Variants in KCNK2 observed in about 807,000 individuals in gnomAD.
KCNK2 encodes potassium channel subfamily K member 2.
KCNK2 carries 21 observed loss-of-function variants against 40.5 expected under a neutral mutation model. The ratio of observed to expected loss-of-function variants is 0.52; its 90% CI spans 0.37 to 0.75. The LOEUF (loss-of-function observed/expected upper bound fraction) is 0.75. Ranked by LOEUF, KCNK2 falls within the 30% of genes least tolerant of loss-of-function variation. KCNK2 has a pLI of 0.00. For synonymous variants in KCNK2, 191 were observed against 202.2 expected (o/e 0.94, Z 0.47); for missense variants, 399 against 531.6 (o/e 0.75, Z 2.45).
intron 1 of KCNK2, among the ~76,000 whole-genome samples, chr1:215,054,266 G>C (rs192987382): frequency 2.0e-5 from 3 of 152,262 alleles, no homozygotes; most frequent in African/African-American, 7.2e-5. Flanking sequence ...CTGTCAAAGG[G>C]AGTTTTGAGT....
chr1:215,157,647 T>G (rs886936904), intron 3 of KCNK2, among the ~76,000 whole-genome samples: 1 of 152,212 alleles, frequency 6.6e-6, no homozygotes, highest in East Asian at 1.9e-4. Flanking sequence ...TTTTTCTTCT[T>G]GCTGTGATAG....
At chr1:215,232,644 T>C (rs758918510) in intron 6 of KCNK2, among the ~76,000 whole-genome samples, 14 of 152,134 alleles carry the variant, frequency 9.2e-5, no homozygotes, top group African/African-American at 1.4e-4. Flanking sequence ...AGTATATAGG[T>C]GAACATTTGA....
At chr1:215,105,637 T>C (rs1282796498) in intron 2 of KCNK2, among the ~76,000 whole-genome samples, 1 of 152,090 alleles carries the variant, frequency 6.6e-6, no homozygotes, top group Non-Finnish European at 1.5e-5. Flanking sequence ...TGCAGATTTG[T>C]TACAAGGGTA....
chr1:215,027,673 A>G (rs566634368), intron 1 of KCNK2, among the ~76,000 whole-genome samples: 1 of 152,266 alleles, frequency 6.6e-6, no homozygotes, highest in East Asian at 1.9e-4. Flanking sequence ...CGTGTGATTG[A>G]TCTATTTCAA....
intron 1 of KCNK2, among the ~76,000 whole-genome samples, chr1:215,044,473 T>G (rs1657673528): frequency 6.6e-6 from 1 of 151,306 alleles, no homozygotes; most frequent in Non-Finnish European, 1.5e-5. Flanking sequence ...GATTTGCATG[T>G]TAGTTCTCTG....
chr1:215,030,018 C>T (rs1571857846), intron 1 of KCNK2, among the ~76,000 whole-genome samples: 4 of 152,194 alleles, frequency 2.6e-5, no homozygotes, highest in Admixed American at 2.0e-4. Flanking sequence ...TGTACTGTTT[C>T]TCACACCAGA....
chr1:215,055,704 C>A (rs1658134438), intron 1 of KCNK2, among the ~76,000 whole-genome samples: 1 of 152,204 alleles, frequency 6.6e-6, no homozygotes, highest in Admixed American at 6.5e-5. Context: ...AAACGCTTTG[C>A]TTCCTGGTTG....
chr1:215,016,088 A>C (rs1382334079), intron 1 of KCNK2, among the ~76,000 whole-genome samples: 1 of 152,188 alleles, frequency 6.6e-6, no homozygotes, highest in Admixed American at 6.5e-5. Context: ...AAGCCACATG[A>C]CTGAAAGTCA....
chr1:215,088,818 C>T (rs1159007584), intron 2 of KCNK2, among the ~76,000 whole-genome samples: 1 of 152,184 alleles, frequency 6.6e-6, no homozygotes, highest in Non-Finnish European at 1.5e-5. Flanking sequence ...TTATGCTCTG[C>T]ATTGGCAATC....
intron 1 of KCNK2, among the ~76,000 whole-genome samples, chr1:215,051,042 A>G (rs1196974617): frequency 6.6e-6 from 1 of 152,150 alleles, no homozygotes; most frequent in Non-Finnish European, 1.5e-5. Flanking sequence ...AAGCAATTCT[A>G]TGGTTGCCTT....
At chr1:215,162,169 G>C (rs1663229684) in intron 3 of KCNK2, among the ~76,000 whole-genome samples, 2 of 152,260 alleles carry the variant, frequency 1.3e-5, no homozygotes, top group South Asian at 4.1e-4. Context: ...TTTCTCTAAT[G>C]AACAGTGATG....
At chr1:215,120,026 G>A (rs886451326) in intron 2 of KCNK2, among the ~76,000 whole-genome samples, 3 of 152,108 alleles carry the variant, frequency 2.0e-5, no homozygotes, top group Non-Finnish European at 1.5e-5. Context: ...CTAGAGAAAA[G>A]ACCTCATGGT....
intron 5 of KCNK2, among the ~76,000 whole-genome samples, chr1:215,188,491 A>G (rs561298601): frequency 6.6e-6 from 1 of 152,290 alleles, no homozygotes; most frequent in Non-Finnish European, 1.5e-5. Context: ...TTTCCTGTAT[A>G]ACTGAAATTA....
At chr1:215,185,165 A>T (rs1664384161) in intron 5 of KCNK2, among the ~76,000 whole-genome samples, 1 of 152,180 alleles carries the variant, frequency 6.6e-6, no homozygotes, top group Non-Finnish European at 1.5e-5. Flanking sequence ...AAATAATACA[A>T]ACTTATAGAA....
intron 1 of KCNK2, among the ~76,000 whole-genome samples, chr1:215,058,963 AC>A (rs776790265): frequency 2.4e-4 from 36 of 151,874 alleles, no homozygotes; most frequent in Admixed American, 2.0e-4. Flanking sequence ...GTCACAGTCC[AC>A]TATTTTGTTT....
At chr1:215,213,385 G>C (rs1665825566) in intron 6 of KCNK2, among the ~76,000 whole-genome samples, 1 of 152,140 alleles carries the variant, frequency 6.6e-6, no homozygotes, top group African/African-American at 2.4e-5. Context: ...AAGGTGGGTG[G>C]ATCACCTGAG....
intron 6 of KCNK2, among the ~76,000 whole-genome samples, chr1:215,224,502 C>A (rs1043692541): frequency 6.6e-6 from 1 of 150,568 alleles, no homozygotes; most frequent in Non-Finnish European, 1.5e-5. Flanking sequence ...GGAGGCAAAT[C>A]ATCTCCTTAG....
Position 215,083,220 on chromosome 1 carries a change from A to ACCC in KCNK2, c.-166_-165insCCC. 4.0e-6 allele frequency: 2 copies of ACCC among 505,144 alleles called. No individual in the cohort carries two copies. Among genetic ancestry groups the ACCC allele is most frequent in the South Asian group, 2.9e-5 (1 of 34,826 alleles). The allele number at this position is 505,144 out of a possible 1,614,324, so 31.3% of individuals were successfully genotyped here. A position where few individuals can be genotyped will look rare whatever the true frequency, so the allele number is the denominator to read the frequency against. On this transcript the variant is annotated 5_prime_UTR_variant, in exon 1 of 7. Coordinates refer to ENST00000444842, the MANE Select transcript of KCNK2 (RefSeq NM_001017425.3). ...CCCCCCCCCGCCCCCTCCCGCGTCC[A>ACCC]GCCCCGCTCTCCCCACCTTGTAAAA...
chr1:215,128,740 G>T (rs559978479), intron 3 of KCNK2, among the ~76,000 whole-genome samples: 17 of 151,312 alleles, frequency 1.1e-4, no homozygotes, highest in African/African-American at 3.9e-4. Context: ...GAAGTTAGCT[G>T]GATTTGTTTT....
Sources: allele counts gnomAD v4.1 joint callset (sites outside exome capture counted in the v4.1 genomes callset), GRCh38; gene constraint gnomAD v4.1.1; transcripts MANE v1.5; gene names NCBI Gene and HGNC (gene_info 2026-07-23, HGNC 2026-07-21).